The following EPHB2 variants were observed in gnomAD, a reference collection of about 807,000 sequenced individuals.
EPHB2 encodes the protein EPH receptor B2, also known as ephrin type-B receptor 2.
Under a neutral mutation model 96.4 loss-of-function variants are expected in EPHB2, and 18 were observed. The observed-to-expected ratio is 0.19, with a 90% CI of 0.13 to 0.28. EPHB2 has a LOEUF of 0.28. Among genes scored for constraint, EPHB2 ranks in the 10% least tolerant of loss-of-function variants. The pLI is 1.00. For synonymous variants in EPHB2, 506 were observed against 534.1 expected (o/e 0.95, Z 0.72); for missense variants, 989 against 1,355.4 (o/e 0.73, Z 4.25).
At chr1:22,753,271 G>A (rs1378676792) in intron 1 of EPHB2, among the ~76,000 whole-genome samples, 1 of 152,152 alleles carries the variant, frequency 6.6e-6, no homozygotes, top group Non-Finnish European at 1.5e-5. Context: ...TGACCTTCAG[G>A]TGCCTCATCT....
At chr1:22,723,648 A>G (rs939325122) in intron 1 of EPHB2, among the ~76,000 whole-genome samples, 1 of 152,268 alleles carries the variant, frequency 6.6e-6, no homozygotes, top group Non-Finnish European at 1.5e-5. Flanking sequence ...GTAGACTTGC[A>G]GAACTGTGTT....
intron 9 of EPHB2, among the ~76,000 whole-genome samples, chr1:22,898,487 A>G (rs771411547): frequency 6.6e-5 from 10 of 152,218 alleles, no homozygotes; most frequent in Non-Finnish European, 1.5e-4. Flanking sequence ...GGAGCAGAGC[A>G]AAGAGAGAAA....
chr1:22,784,626 G>T lies in EPHB2; in HGVS notation c.361G>T (p.Asp121Tyr). Residue 121 changes from aspartate to tyrosine, a missense_variant, in exon 3 of 16, where the codon GAC becomes TAC. By Grantham distance (160) the Asp-to-Tyr change is radical. Transcript: ENST00000374630. This position sits in a 1 kb window ranked among gnomAD's most constrained non-coding sequence, Gnocchi z 5.1. ...CCTCTATTACTATGAGGCTGACTTTGACTCGGCCACCAAGACCTTCCCCAA... is the reference window on the plus strand; with the variant it reads ...CCTCTATTACTATGAGGCTGACTTTTACTCGGCCACCAAGACCTTCCCCAA... ...FNLYYYEADF[D>Y]SATKTFPNWM... is the part of the protein sequence containing the mutation. 6.2e-7 allele frequency: 1 copy of T among 1,614,070 alleles called. No individual in the cohort carries two copies. The highest frequency in any genetic ancestry group is 8.5e-7 in the Non-Finnish European group (1 of 1,180,022).
chr1:22,861,842 G>A (rs1024106119), intron 3 of EPHB2, among the ~76,000 whole-genome samples: 3 of 152,232 alleles, frequency 2.0e-5, no homozygotes, highest in African/African-American at 7.2e-5. Flanking sequence ...AGAAACTAAT[G>A]TCCAGAGAAG....
chr1:22,854,958 C>T (rs1187177672), intron 3 of EPHB2, among the ~76,000 whole-genome samples: 1 of 152,200 alleles, frequency 6.6e-6, no homozygotes, highest in African/African-American at 2.4e-5. Flanking sequence ...CCCAGCCCTG[C>T]CCTACACATG....
intron 1 of EPHB2, among the ~76,000 whole-genome samples, chr1:22,772,514 G>A (rs1644394674): frequency 6.6e-6 from 1 of 152,242 alleles, no homozygotes; most frequent in South Asian, 2.1e-4. Context: ...CGTGCTGCTA[G>A]TTGGTAGATT....
At chr1:22,897,317 G>C (rs1639598083) in intron 9 of EPHB2, among the ~76,000 whole-genome samples, 1 of 152,186 alleles carries the variant, frequency 6.6e-6, no homozygotes, top group Non-Finnish European at 1.5e-5. Flanking sequence ...CAGCAAAAAG[G>C]AGTTCTAAAT....
chr1:22,762,679 G>A (rs563252554), intron 1 of EPHB2, among the ~76,000 whole-genome samples: 1 of 152,334 alleles, frequency 6.6e-6, no homozygotes, highest in Admixed American at 6.5e-5. Context: ...TGTAGGGGAT[G>A]TGTCAGAGGA....
At chr1:22,743,587 C>T (rs1252216025) in intron 1 of EPHB2, among the ~76,000 whole-genome samples, 1 of 152,192 alleles carries the variant, frequency 6.6e-6, no homozygotes, top group African/African-American at 2.4e-5. Context: ...TCTCGTGCCT[C>T]AGCCTCCCCA....
intron 3 of EPHB2, among the ~76,000 whole-genome samples, chr1:22,841,650 C>T (rs530496764): frequency 2.0e-5 from 3 of 152,148 alleles, no homozygotes; most frequent in East Asian, 1.9e-4. Flanking sequence ...TAGAAAGAGG[C>T]GATTGTCAGG....
At chr1:22,761,316 C>T (rs928973433) in intron 1 of EPHB2, among the ~76,000 whole-genome samples, 6 of 152,146 alleles carry the variant, frequency 3.9e-5, no homozygotes, top group African/African-American at 7.2e-5. Context: ...TGGCAGTGGT[C>T]GCGGAGAGCG....
intron 3 of EPHB2, among the ~76,000 whole-genome samples, chr1:22,794,567 G>A (rs1260309865): frequency 6.6e-6 from 1 of 152,160 alleles, no homozygotes; most frequent in Non-Finnish European, 1.5e-5. Flanking sequence ...GCAGGGACAG[G>A]TCTATGCCTT....
At position 22,784,823 on chromosome 1, in the gene EPHB2, C is replaced by T. The variant is rs1370256660; in HGVS notation, c.558C>T (p.Ser186=). ...TCCAGGACTATGGCGGCTGCATGTCCCTCATCGCCGTGCGTGTCTTCTACC... is the reference window on the plus strand; with the variant it reads ...TCCAGGACTATGGCGGCTGCATGTCTCTCATCGCCGTGCGTGTCTTCTACC... ...LAFQDYGGCM[S]LIAVRVFYRK... Residue 186 remains serine, a synonymous_variant, in exon 3 of 16, where the codon TCC becomes TCT. Transcript: ENST00000374630. This position sits in a 1 kb window ranked among gnomAD's most constrained non-coding sequence, Gnocchi z 5.1. The T allele has an allele frequency of 6.2e-7, 1 of 1,603,044 alleles. No homozygotes were observed. Among genetic ancestry groups the T allele is most frequent in the South Asian group, 1.1e-5 (1 of 89,544 alleles).
intron 3 of EPHB2, among the ~76,000 whole-genome samples, chr1:22,852,001 CAG>C (rs1265099045): frequency 6.6e-6 from 1 of 152,220 alleles, no homozygotes; most frequent in African/African-American, 2.4e-5. Flanking sequence ...GCTGTGGAGT[CAG>C]AGCTGGCCTC....
intron 3 of EPHB2, among the ~76,000 whole-genome samples, chr1:22,822,738 A>C (rs759617349): frequency 6.6e-6 from 1 of 152,138 alleles, no homozygotes; most frequent in Non-Finnish European, 1.5e-5. Context: ...GCCTGGACCA[A>C]CTCTCAGAGA....
At position 22,909,125 on chromosome 1, in the gene EPHB2, T is replaced by A. The variant is rs1219908154; in HGVS notation, c.2456T>A (p.Val819Glu). Residue 819 changes from valine to glutamate, a missense_variant, in exon 13 of 16, where the codon GTG becomes GAG. By Grantham distance (121) the Val-to-Glu change is moderately radical (BLOSUM62 -2). Transcript: ENST00000374630. ...AGCTACGGCATTGTCATGTGGGAGG[T>A]GATGTCCTATGGGGAGCGGCCCTAC... ...VWSYGIVMWE[V>E]MSYGERPYWD... 1.9e-6 allele frequency: 3 copies of A among 1,613,884 alleles called. No individual in the cohort carries two copies. The highest frequency in any genetic ancestry group is 2.5e-6 in the Non-Finnish European group (3 of 1,179,976).
At chr1:22,781,522 A>T in intron 2 of EPHB2, 37 bp downstream of exon 2, 1 of 1,608,582 alleles carries the variant, frequency 6.2e-7, no homozygotes, top group Non-Finnish European at 8.5e-7. Context: ...ATTGGTCCCC[A>T]GGATCCCTCA....
chr1:22,787,302 T>A (rs1644625954), intron 3 of EPHB2, among the ~76,000 whole-genome samples: 1 of 152,138 alleles, frequency 6.6e-6, no homozygotes, highest in Non-Finnish European at 1.5e-5. Flanking sequence ...TGGAGCTGCA[T>A]GAATAAAGGC....
chr1:22,895,569 C>G lies in EPHB2; in HGVS notation c.1689C>G (p.Ile563Met). 3 of 1,614,240 alleles carry G rather than the reference C, an allele frequency of 1.9e-6. No individual in the cohort carries two copies. The highest frequency in any genetic ancestry group is 2.5e-6 in the Non-Finnish European group (3 of 1,180,032). Reference sequence around the variant, plus strand: ...TCATTGCTGTGGTTGTCATCGCCATCGTGTGTAACAGGTGGGTGGGGTCTC... The same window carrying G: ...TCATTGCTGTGGTTGTCATCGCCATGGTGTGTAACAGGTGGGTGGGGTCTC... ...VFLIAVVVIA[I>M]VCNRRGFERA... The change falls in exon 8 of 16, where the codon ATC becomes ATG. Residue 563 changes from isoleucine to methionine, a missense_variant. By Grantham distance (10) the Ile-to-Met change is conservative. Transcript: ENST00000374630.
Sources: allele counts gnomAD v4.1 joint callset (sites outside exome capture counted in the v4.1 genomes callset), GRCh38; gene constraint gnomAD v4.1.1; non-coding constraint Gnocchi (gnomAD v3.1); transcripts MANE v1.5; gene names NCBI Gene and HGNC (gene_info 2026-07-23, HGNC 2026-07-21).